The following CIT variants were observed in gnomAD, a reference collection of about 807,000 sequenced individuals.
The protein encoded by CIT is citron Rho-interacting kinase.
Under a neutral mutation model 272.7 loss-of-function variants are expected in CIT, and 79 were observed. The ratio of observed to expected loss-of-function variants is 0.29; its 90% confidence interval spans 0.24 to 0.35. The LOEUF is 0.35. Ranked by LOEUF, CIT falls within the 10% of genes least tolerant of loss-of-function variation. CIT has a pLI of 1.00. For missense variants in CIT, 1,909 were observed against 2,618.3 expected (o/e 0.73, Z 5.91); for synonymous variants, 948 against 995.6 (o/e 0.95, Z 0.90).
chr12:119,836,734 G>A (rs559046874), intron 5 of CIT, among the ~76,000 whole-genome samples: 2 of 152,216 alleles, frequency 1.3e-5, no homozygotes, highest in South Asian at 4.2e-4. Flanking sequence ...GTTTAAGGCT[G>A]AGAAAGTCAT....
At chr12:119,816,700 G>T (rs929247578) in intron 9 of CIT, among the ~76,000 whole-genome samples, 1 of 152,192 alleles carries the variant, frequency 6.6e-6, no homozygotes. Flanking sequence ...TAGTTTTGCT[G>T]TTCGTTAACA....
chr12:119,828,225 A>C (rs1006481209), intron 7 of CIT, among the ~76,000 whole-genome samples: 6 of 152,212 alleles, frequency 3.9e-5, no homozygotes, highest in African/African-American at 1.4e-4. Flanking sequence ...TGAAGGGAAA[A>C]ATACCCACTG....
chr12:119,809,756 T>C (rs1272683226), intron 9 of CIT, among the ~76,000 whole-genome samples: 1 of 152,236 alleles, frequency 6.6e-6, no homozygotes, highest in Non-Finnish European at 1.5e-5. Context: ...CAGAAGGATC[T>C]GAACAAACAG....
intron 5 of CIT, among the ~76,000 whole-genome samples, chr12:119,838,557 C>G (rs1969184078): frequency 6.6e-6 from 1 of 152,148 alleles, no homozygotes; most frequent in African/African-American, 2.4e-5. Flanking sequence ...AGGCAGCTAG[C>G]CCAGCACTGT....
intron 9 of CIT, among the ~76,000 whole-genome samples, chr12:119,820,481 C>T (rs1405082020): frequency 2.0e-5 from 3 of 151,944 alleles, no homozygotes; most frequent in Non-Finnish European, 4.4e-5. Context: ...ACCCAGGAGG[C>T]GGAGGTTGCA....
intron 4 of CIT, among the ~76,000 whole-genome samples, chr12:119,851,079 T>C (rs1970195609): frequency 6.6e-6 from 1 of 152,194 alleles, no homozygotes; most frequent in Non-Finnish European, 1.5e-5. Context: ...TGTGAACTCA[T>C]GGTTTTCCCT....
At chr12:119,840,597 C>T (rs901252944) in intron 5 of CIT, among the ~76,000 whole-genome samples, 2 of 152,114 alleles carry the variant, frequency 1.3e-5, no homozygotes, top group Non-Finnish European at 2.9e-5. Flanking sequence ...CTCATTTCAC[C>T]GATAAGAAAA....
At chr12:119,841,819 C>A (rs917814600) in intron 5 of CIT, among the ~76,000 whole-genome samples, 38 of 152,160 alleles carry the variant, frequency 2.5e-4, no homozygotes, top group African/African-American at 8.2e-4. Flanking sequence ...GGGGGAGTCA[C>A]AACATGGAAG....
At chr12:119,818,843 G>A (rs144880763) in intron 9 of CIT, among the ~76,000 whole-genome samples, 1 of 152,310 alleles carries the variant, frequency 6.6e-6, no homozygotes, top group Non-Finnish European at 1.5e-5. Flanking sequence ...ACGTACAAGT[G>A]TGCTGGTTCC....
At chr12:119,693,088 G>A (rs1248032459) in intron 46 of CIT, among the ~76,000 whole-genome samples, 1 of 152,102 alleles carries the variant, frequency 6.6e-6, no homozygotes, top group Non-Finnish European at 1.5e-5. Flanking sequence ...CACTGGCCAG[G>A]GGAAGAAGGA....
rs200314282 is a variant in CIT, at chr12:119,734,322, C to A, written c.3192G>T (p.Leu1064=). The A allele has an allele frequency of 3.7e-4, 601 of 1,613,698 alleles. No homozygotes were observed. The highest frequency in any genetic ancestry group is 4.9e-4 in the Non-Finnish European group (584 of 1,180,024). The change falls in exon 26 of 48, where the codon CTG becomes CTT. Residue 1064 remains leucine (L), a synonymous_variant. Coordinates refer to ENST00000392521, the MANE Select transcript of CIT (RefSeq NM_001206999.2). ...CCTCCAAATCCATGACCTGTTCCTC[C>A]AGCATGGTGCACGTGGTCTTCAGAG... ...MEALKTTCTM[L]EEQVMDLEAL...
In CIT at chr12:119,698,020, G is replaced by A; in HGVS notation, c.5658C>T (p.Phe1886=). 6.2e-7 allele frequency: 1 copy of A among 1,614,212 alleles called. No homozygotes were observed. Among genetic ancestry groups the A allele is most frequent in the Non-Finnish European group, 8.5e-7 (1 of 1,180,040 alleles). ...YREPYLFVTH[F]NSLEVIEIQA... is the part of the protein sequence containing the mutation. ...GGATCTCAATTACTTCGAGTGAGTTGAAGTGGGTCACAAACAGATAGGGTT... is the reference window on the plus strand; with the variant it reads ...GGATCTCAATTACTTCGAGTGAGTTAAAGTGGGTCACAAACAGATAGGGTT... The change falls in exon 45 of 48, where the codon TTC becomes TTT. Residue 1886 remains phenylalanine, a synonymous_variant. Transcript: ENST00000392521.
chr12:119,736,681 G>A (rs1295052733), intron 24 of CIT, among the ~76,000 whole-genome samples: 3 of 152,188 alleles, frequency 2.0e-5, no homozygotes, highest in Non-Finnish European at 4.4e-5. Context: ...AAATCTGTAC[G>A]TTTGCCATTC....
Position 119,712,577 on chromosome 12 carries a change from C to T in CIT, c.4684+14G>A, listed in dbSNP as rs372706601. ...GCCCACCTCCAGGGCGGGGCTCCTC[C>T]GGCTCCTCCTCACCTGCTTTGGCTG... On this transcript the variant is annotated intron_variant, in intron 36 of 47. Transcript: ENST00000392521. This position sits in a 1 kb window ranked among gnomAD's most constrained non-coding sequence, Gnocchi z 5.2. 2.2e-5 allele frequency: 36 copies of T among 1,612,242 alleles called. No individual in the cohort carries two copies. The highest frequency in any genetic ancestry group is 2.8e-5 in the Non-Finnish European group (33 of 1,178,472).
At chr12:119,846,888 TAAAA>T (rs1048891294) in intron 5 of CIT, among the ~76,000 whole-genome samples, 2 of 135,502 alleles carry the variant, frequency 1.5e-5, no homozygotes, top group Non-Finnish European at 3.2e-5. Context: ...CATCATCACT[TAAAA>T]AAAAAAAAGA....
chr12:119,762,883 AT>A (rs1249550159), intron 19 of CIT, among the ~76,000 whole-genome samples: 1 of 152,162 alleles, frequency 6.6e-6, no homozygotes, highest in African/African-American at 2.4e-5. Context: ...CACAAAAAGT[AT>A]AAAAAATAGT....
Position 119,784,685 on chromosome 12 carries a change from G to A in CIT, c.1401+275C>T, listed in dbSNP as rs192595849. 27 of 1,298,738 alleles carry A rather than the reference G, an allele frequency of 2.1e-5. No homozygotes were observed. In the Admixed American group the frequency reaches 3.2e-4, roughly 15 times the overall value. The allele number at this position is 1,298,738 out of a possible 1,614,324, so 80.5% of individuals were successfully genotyped here. ...CAGGTGAGGACCCAGGCCACCTGCC[G>A]GAAGAAGCAGACATCTGGCTGGGTC... On this transcript the variant is annotated intron_variant, in intron 11 of 47. Coordinates refer to ENST00000392521, the MANE Select transcript of CIT (RefSeq NM_001206999.2). The surrounding 1 kb of genome is among the most constrained non-coding windows in gnomAD (Gnocchi z 4.7).
At chr12:119,814,609 C>G (rs1269003687) in intron 9 of CIT, among the ~76,000 whole-genome samples, 1 of 152,060 alleles carries the variant, frequency 6.6e-6, no homozygotes, top group Non-Finnish European at 1.5e-5. Flanking sequence ...GCCAACCAAG[C>G]CTAACAGAGA....
intron 41 of CIT, among the ~76,000 whole-genome samples, 176 bp from the exon 42 acceptor site, chr12:119,702,134 T>C (rs1327580582): frequency 1.3e-5 from 2 of 151,578 alleles, no homozygotes; most frequent in African/African-American, 2.4e-5. Context: ...AGACAAGATC[T>C]CGCTCTGTCA....
Sources: allele counts gnomAD v4.1 joint callset (sites outside exome capture counted in the v4.1 genomes callset), GRCh38; gene constraint gnomAD v4.1.1; non-coding constraint Gnocchi (gnomAD v3.1); transcripts MANE v1.5; gene names NCBI Gene and HGNC (gene_info 2026-07-23, HGNC 2026-07-21).